The following ST3GAL3 variants were observed in gnomAD, a reference collection of about 807,000 sequenced individuals.
ST3GAL3 encodes the protein CMP-N-acetylneuraminate-beta-1,4-galactoside alpha-2,3-sialyltransferase.
In ST3GAL3, 21 loss-of-function variants were observed where a neutral mutation model predicts 50.1. The observed-to-expected ratio is 0.42, with a 90% CI of 0.30 to 0.60. ST3GAL3 has a LOEUF of 0.60. ST3GAL3 is among the 20% of genes least tolerant of loss of function. The pLI is 0.19. For synonymous variants in ST3GAL3, 183 were observed against 190.0 expected (o/e 0.96, Z 0.30); for missense variants, 353 against 489.4 (o/e 0.72, Z 2.63).
intron 2 of ST3GAL3, among the ~76,000 whole-genome samples, chr1:43,774,479 T>C (rs1176783116): frequency 6.6e-6 from 1 of 152,136 alleles, no homozygotes; most frequent in Non-Finnish European, 1.5e-5. Flanking sequence ...ACTTTTGCAT[T>C]GCTGATCGTG....
At chr1:43,732,672 C>T (rs1390197817) in intron 1 of ST3GAL3, among the ~76,000 whole-genome samples, 6 of 152,134 alleles carry the variant, frequency 3.9e-5, no homozygotes, top group Non-Finnish European at 7.3e-5. Context: ...GGGAGACTTA[C>T]CATAATTTAA....
chr1:43,858,583 T>C (rs1357222585), intron 5 of ST3GAL3, among the ~76,000 whole-genome samples: 1 of 152,194 alleles, frequency 6.6e-6, no homozygotes, highest in Non-Finnish European at 1.5e-5. Flanking sequence ...CAGAACATGA[T>C]CCTGGCCCTC....
intron 2 of ST3GAL3, among the ~76,000 whole-genome samples, chr1:43,757,062 G>A (rs1163184705): frequency 2.0e-5 from 3 of 151,916 alleles, no homozygotes; most frequent in Admixed American, 2.0e-4. Context: ...CCACCACCAC[G>A]CCTAGCTAAC....
intron 11 of ST3GAL3, among the ~76,000 whole-genome samples, chr1:43,927,183 C>A (rs913141126): frequency 2.6e-5 from 4 of 152,000 alleles, no homozygotes; most frequent in African/African-American, 9.7e-5. Context: ...TACAAATTAG[C>A]CAGTGGTGGT....
chr1:43,873,407 G>T (rs1265677976), intron 5 of ST3GAL3, among the ~76,000 whole-genome samples: 1 of 152,230 alleles, frequency 6.6e-6, no homozygotes, highest in Non-Finnish European at 1.5e-5. Flanking sequence ...TGCAAGAAGA[G>T]CAGGTTTTAG....
intron 5 of ST3GAL3, chr1:43,878,977 T>C (rs2074601286): frequency 2.2e-6 from 1 of 454,420 alleles, no homozygotes; most frequent in Non-Finnish European, 4.4e-6. Context: ...AACAAACAAG[T>C]GCACATGGGA....
At chr1:43,863,388 G>A (rs953412812) in intron 5 of ST3GAL3, among the ~76,000 whole-genome samples, 7 of 152,112 alleles carry the variant, frequency 4.6e-5, no homozygotes, top group South Asian at 2.1e-4. Flanking sequence ...TGACAGCCCC[G>A]GAGCCTCAGA....
rs112864170 is a variant in ST3GAL3, at chr1:43,753,211, C to T, written c.118+16831C>T. Among the ~76,000 whole-genome samples the T allele has an allele frequency of 5.3e-3, 810 of 152,300 alleles. 16 individuals are homozygous for T. The highest frequency in any genetic ancestry group is 0.018 in the African/African-American group (751 of 41,556). ...CAGAGAACTGTAGGGACCCTGTACACGCGTGGGCATGAGTTAGAGCTGCTG... is the reference window on the plus strand; with the variant it reads ...CAGAGAACTGTAGGGACCCTGTACATGCGTGGGCATGAGTTAGAGCTGCTG... On this transcript the variant is annotated intron_variant, in intron 2 of 11. Transcript: ENST00000347631.
chr1:43,780,004 T>A (rs1449968014), intron 2 of ST3GAL3, among the ~76,000 whole-genome samples: 9 of 152,334 alleles, frequency 5.9e-5, no homozygotes, highest in East Asian at 1.9e-4. Context: ...TGCACATCTG[T>A]GGTCTTGAAG....
intron 3 of ST3GAL3, among the ~76,000 whole-genome samples, chr1:43,793,684 T>G (rs770324495): frequency 6.6e-6 from 1 of 152,244 alleles, no homozygotes; most frequent in Non-Finnish European, 1.5e-5. Context: ...AAAGAGTTCT[T>G]AAATGGATCC....
chr1:43,784,540 T>C (rs563303543), intron 2 of ST3GAL3, among the ~76,000 whole-genome samples: 4 of 152,002 alleles, frequency 2.6e-5, no homozygotes, highest in Non-Finnish European at 5.9e-5. Context: ...AAAAATAAAC[T>C]CCCATAGCAA....
rs532905138 is a variant in ST3GAL3 at position 43,761,402 on chromosome 1, C to T, written c.118+25022C>T. On this transcript the variant is annotated intron_variant, in intron 2 of 11. Transcript: ENST00000347631. The stretch of plus-strand genomic sequence containing the variant: ...TACCTTGTGTTAATGATATTGTGGT[C>T]GTGTAAAGAAATGTCTTTGTGTTTT... Among the ~76,000 whole-genome samples, 17 of 150,640 alleles carry T rather than the reference C, an allele frequency of 1.1e-4. No homozygotes were observed. The East Asian group carries it at 1.2e-3, about 10-fold the overall frequency.
intron 2 of ST3GAL3, among the ~76,000 whole-genome samples, chr1:43,757,764 A>AT (rs1688651662): frequency 6.6e-6 from 1 of 152,220 alleles, no homozygotes; most frequent in Non-Finnish European, 1.5e-5. Flanking sequence ...GCAGAAAAGC[A>AT]TAAAAAAAAA....
At chr1:43,915,016 CTG>C (rs781576019) in intron 9 of ST3GAL3, among the ~76,000 whole-genome samples, 12 of 152,260 alleles carry the variant, frequency 7.9e-5, no homozygotes, top group East Asian at 1.9e-4. Flanking sequence ...GCAGGAAAAA[CTG>C]GGGTCGGCTT....
intron 2 of ST3GAL3, among the ~76,000 whole-genome samples, chr1:43,783,437 A>G (rs750624545): frequency 4.6e-5 from 7 of 152,132 alleles, no homozygotes; most frequent in Non-Finnish European, 1.0e-4. Context: ...AAGTCTGCCC[A>G]TCTTGTCTCT....
chr1:43,891,840 T>C (rs149876622), intron 5 of ST3GAL3, among the ~76,000 whole-genome samples: 7 of 152,312 alleles, frequency 4.6e-5, no homozygotes, highest in Non-Finnish European at 8.8e-5. Flanking sequence ...TAGCATCTCC[T>C]AAAGAAAGGA....
intron 3 of ST3GAL3, among the ~76,000 whole-genome samples, chr1:43,804,714 G>A (rs754089758): frequency 1.3e-5 from 2 of 152,212 alleles, no homozygotes; most frequent in Non-Finnish European, 2.9e-5. Context: ...AAGAGCCAGA[G>A]GAGGCTCGCT....
chr1:43,798,998 A>G (rs1202412236), intron 3 of ST3GAL3, among the ~76,000 whole-genome samples: 4 of 152,236 alleles, frequency 2.6e-5, no homozygotes, highest in Non-Finnish European at 5.9e-5. Flanking sequence ...TAAAATGATG[A>G]TGCAGTTTTA....
intron 2 of ST3GAL3, among the ~76,000 whole-genome samples, chr1:43,754,141 A>T (rs1558150677): frequency 6.6e-6 from 1 of 152,202 alleles, no homozygotes. Flanking sequence ...CAGAAAAAGT[A>T]ACCAATTTAA....
Sources: allele counts gnomAD v4.1 joint callset (sites outside exome capture counted in the v4.1 genomes callset), GRCh38; gene constraint gnomAD v4.1.1; transcripts MANE v1.5; gene names NCBI Gene and HGNC (gene_info 2026-07-23, HGNC 2026-07-21).